Variants in CDK19 observed in about 807,000 individuals in gnomAD.
CDK19 encodes the protein cyclin dependent kinase 19.
Under a neutral mutation model 68.3 loss-of-function variants are expected in CDK19, and 20 were observed. The ratio of observed to expected loss-of-function variants is 0.29; its 90% CI spans 0.21 to 0.43. CDK19 has a LOEUF of 0.43. Ranked by LOEUF, CDK19 falls within the 20% of genes least tolerant of loss-of-function variation. The probability of loss-of-function intolerance (pLI) is 1.00; values close to 1 mark genes in which losing one functional copy is unlikely to be tolerated. For missense variants in CDK19, 339 were observed against 623.5 expected, an observed-to-expected ratio of 0.54 and a Z score of 4.86; for synonymous variants, 221 against 222.8, an observed-to-expected ratio of 0.99 and a Z score of 0.07.
chr6:110,722,534 G>C (rs967537367), intron 2 of CDK19, among the ~76,000 whole-genome samples: 2 of 130,600 alleles, frequency 1.5e-5, no homozygotes, highest in Non-Finnish European at 3.3e-5. Context: ...TCTCATCTTT[G>C]TTTAAAAAAA....
intron 4 of CDK19, among the ~76,000 whole-genome samples, chr6:110,652,409 T>C (rs1019544358): frequency 2.6e-5 from 4 of 152,214 alleles, no homozygotes; most frequent in Non-Finnish European, 5.9e-5. Context: ...AGGCAGATTT[T>C]AGAGTACATT....
At chr6:110,629,622 G>A (rs970450465) in intron 6 of CDK19, among the ~76,000 whole-genome samples, 1 of 152,152 alleles carries the variant, frequency 6.6e-6, no homozygotes, top group Non-Finnish European at 1.5e-5. Flanking sequence ...CCAAAGCGCT[G>A]GGATTACAGA....
At chr6:110,676,307 G>C (rs1771533088) in intron 2 of CDK19, among the ~76,000 whole-genome samples, 1 of 152,038 alleles carries the variant, frequency 6.6e-6, no homozygotes. Context: ...GGCAAAGAAA[G>C]TGATTTCCTA....
rs1036664628 is a variant in CDK19 at position 110,805,360 on chromosome 6, T to C, written c.128+9649A>G. Among the ~76,000 whole-genome samples the C allele has an allele frequency of 2.0e-5, 3 of 152,170 alleles. No individual in the cohort carries two copies. In the East Asian group the frequency reaches 5.8e-4, roughly 29 times the overall value. Reference sequence around the variant, plus strand: ...ACAAGTTGATCTTTAAAAAAACACATTAGTTTTTAAACATCCAAATACTCT... The same window carrying C: ...ACAAGTTGATCTTTAAAAAAACACACTAGTTTTTAAACATCCAAATACTCT... On this transcript the variant is annotated intron_variant, in intron 1 of 12. Transcript: ENST00000368911.
chr6:110,815,385 C>A lies in CDK19; in HGVS notation c.-249G>T. On this transcript the variant is annotated 5_prime_UTR_variant, in exon 1 of 13. Coordinates refer to ENST00000368911, the MANE Select transcript of CDK19 (RefSeq NM_015076.5). ...CGGCGGCGGCTCCCGCAGGCACCCC[C>A]AGTCCCGCCTCCCTCCTTCATTTCC... 1 of 374,832 alleles carries A rather than the reference C, an allele frequency of 2.7e-6. No homozygotes were observed. The highest frequency in any genetic ancestry group is 4.7e-6 in the Non-Finnish European group (1 of 212,320). 23.2% of individuals were successfully genotyped at this position (374,832 alleles called of 1,614,324 possible).
intron 1 of CDK19, among the ~76,000 whole-genome samples, chr6:110,807,027 T>C (rs925032637): frequency 2.0e-5 from 3 of 149,088 alleles, no homozygotes; most frequent in African/African-American, 5.0e-5. Flanking sequence ...GGGCCAAGCA[T>C]GATGGCTTAT....
chr6:110,757,667 C>T (rs1778925145), intron 1 of CDK19, among the ~76,000 whole-genome samples: 1 of 152,100 alleles, frequency 6.6e-6, no homozygotes, highest in Admixed American at 6.6e-5. Flanking sequence ...TTGTGTGTGA[C>T]ATGTAATGAC....
Position 110,815,241 on chromosome 6 carries a change from T to TCTCG in CDK19, c.-106_-105insCGAG, listed in dbSNP as rs1783540958. 11 of 1,130,310 alleles carry TCTCG rather than the reference T, an allele frequency of 9.7e-6. No individual in the cohort carries two copies. Among genetic ancestry groups the TCTCG allele is most frequent in the Non-Finnish European group, 1.0e-5 (9 of 901,396 alleles). 70.0% of individuals were successfully genotyped at this position (1,130,310 alleles called of 1,614,324 possible). On this transcript the variant is annotated 5_prime_UTR_variant, in exon 1 of 13. Coordinates refer to ENST00000368911, the MANE Select transcript of CDK19 (RefSeq NM_015076.5). Reference sequence around the variant, plus strand: ...GCTCCACTTCTCCAACAGCCGCCTCTCGCGCGCGCGCGCGCGCCGCCCGCC... The same window carrying TCTCG: ...GCTCCACTTCTCCAACAGCCGCCTCTCTCGCGCGCGCGCGCGCGCGCCGCCCGCC...
rs1026261047 is a variant in CDK19, at chr6:110,613,223, A to G, written c.*1312T>C. On this transcript the variant is annotated 3_prime_UTR_variant, in exon 13 of 13. Transcript: ENST00000368911. ...ATAGATAATGGAAATGCAAATATTC[A>G]CTTTGTCTAGTATAGTCTTATACTA... 15 of 140,840 alleles carry G rather than the reference A, an allele frequency of 1.1e-4. No homozygotes were observed. The highest frequency in any genetic ancestry group is 3.9e-4 in the African/African-American group (15 of 38,338). 8.7% of individuals were successfully genotyped at this position (140,840 alleles called of 1,614,324 possible).
intron 4 of CDK19, among the ~76,000 whole-genome samples, chr6:110,657,781 G>A (rs559935049): frequency 6.0e-4 from 92 of 152,278 alleles, no homozygotes; most frequent in Non-Finnish European, 1.1e-3. Flanking sequence ...ATTATCAAAT[G>A]AGCCCTGACC....
chr6:110,724,724 T>C (rs1776198080), intron 2 of CDK19, among the ~76,000 whole-genome samples: 1 of 152,160 alleles, frequency 6.6e-6, no homozygotes, highest in Non-Finnish European at 1.5e-5. Context: ...ACGGTGAATC[T>C]TCAACTATTA....
intron 1 of CDK19, among the ~76,000 whole-genome samples, chr6:110,799,604 AT>A (rs146560749): frequency 0.029 from 4,246 of 148,858 alleles, 82 homozygotes; most frequent in South Asian, 0.085. Flanking sequence ...GTTTTTTCTA[AT>A]TTTTTTTTTG....
In CDK19 at chr6:110,623,907, AT is replaced by A. The variant is rs2114643895; in HGVS notation, c.861-546del. On this transcript the variant is annotated intron_variant, in intron 8 of 12. Transcript: ENST00000368911. ...TATATATATGTGTGTGTATATATAT[AT>A]ACGTATATATATATACGTGTATATA... Among the ~76,000 whole-genome samples the A allele has an allele frequency of 2.1e-5, 3 of 145,612 alleles. 1 individual carries two copies. Among genetic ancestry groups the A allele is most frequent in the Admixed American group, 6.9e-5 (1 of 14,550 alleles).
At chr6:110,750,696 CAG>C (rs1168965386) in intron 1 of CDK19, among the ~76,000 whole-genome samples, 1 of 152,136 alleles carries the variant, frequency 6.6e-6, no homozygotes, top group Non-Finnish European at 1.5e-5. Flanking sequence ...TCTACTATAG[CAG>C]AGTTTCAGAC....
intron 2 of CDK19, among the ~76,000 whole-genome samples, chr6:110,719,861 G>A (rs1364577287): frequency 6.6e-6 from 1 of 152,000 alleles, no homozygotes; most frequent in African/African-American, 2.4e-5. Flanking sequence ...CTCCTGAGTA[G>A]CTGGGATTAC....
intron 2 of CDK19, among the ~76,000 whole-genome samples, chr6:110,697,304 A>G (rs1221577657): frequency 6.6e-6 from 1 of 152,026 alleles, no homozygotes; most frequent in African/African-American, 2.4e-5. Context: ...TACAAGATCA[A>G]TGTACACAAA....
chr6:110,774,076 A>G (rs1000004179), intron 1 of CDK19: 1 of 152,004 alleles, frequency 6.6e-6, no homozygotes, highest in Admixed American at 6.6e-5. Context: ...GACAATGAGC[A>G]TATCAACAAT....
intron 2 of CDK19, among the ~76,000 whole-genome samples, chr6:110,734,724 C>T (rs1312418791): frequency 1.3e-5 from 2 of 152,206 alleles, no homozygotes; most frequent in East Asian, 3.9e-4. Context: ...CTCCAGCACA[C>T]TGTGCTTAAC....
intron 2 of CDK19, among the ~76,000 whole-genome samples, chr6:110,742,021 A>T (rs907415904): frequency 1.3e-5 from 2 of 152,232 alleles, no homozygotes; most frequent in African/African-American, 2.4e-5. Context: ...ACATAGGTAA[A>T]GAGAAAAGAA....
Sources: gnomAD v4.1 joint callset for allele counts (sites outside exome capture counted in the v4.1 genomes callset) on GRCh38, gnomAD v4.1.1 for gene constraint, MANE v1.5 for transcripts, NCBI Gene and HGNC (gene_info 2026-07-23, HGNC 2026-07-21) for gene names.